The following KCNQ5 variants were observed in gnomAD, a reference collection of about 807,000 sequenced individuals.
KCNQ5 encodes the protein potassium voltage-gated channel subfamily KQT member 5.
A neutral mutation model predicts 98.2 loss-of-function variants in KCNQ5; 30 were observed. That is an observed-to-expected ratio of 0.31 (90% CI 0.23 to 0.41). The LOEUF (loss-of-function observed/expected upper bound fraction) is 0.41, where lower values mean the gene tolerates loss of function less well. KCNQ5 is among the 10% of genes least tolerant of loss of function. KCNQ5 has a pLI of 1.00. For missense variants in KCNQ5, 835 were observed against 1,182.5 expected (o/e 0.71, Z 4.31); for synonymous variants, 458 against 449.4 (o/e 1.02, Z -0.24).
intron 1 of KCNQ5, among the ~76,000 whole-genome samples, chr6:72,834,181 G>A (rs1260717250): frequency 2.0e-5 from 3 of 151,950 alleles, no homozygotes; most frequent in Non-Finnish European, 4.4e-5. Context: ...ATGAGTGTTT[G>A]TTATATTATT....
intron 1 of KCNQ5, among the ~76,000 whole-genome samples, chr6:72,868,129 C>T (rs1778066824): frequency 6.6e-6 from 1 of 152,018 alleles, no homozygotes; most frequent in Admixed American, 6.5e-5. Context: ...GACTTCCAGA[C>T]AAGGAGGTAA....
At chr6:73,158,164 C>A (rs950367860) in intron 10 of KCNQ5, 10 of 338,358 alleles carry the variant, frequency 3.0e-5, no homozygotes, top group African/African-American at 2.2e-4. Context: ...GGCGGGGCGG[C>A]GGGAAGGGAA....
chr6:72,964,352 G>C (rs1343523437), intron 1 of KCNQ5, among the ~76,000 whole-genome samples: 1 of 152,098 alleles, frequency 6.6e-6, no homozygotes, highest in East Asian at 1.9e-4. Flanking sequence ...TCAATAGTAG[G>C]AACAAGCCTC....
intron 5 of KCNQ5, among the ~76,000 whole-genome samples, chr6:73,103,105 G>C (rs751576327): frequency 5.3e-5 from 8 of 152,132 alleles, no homozygotes; most frequent in African/African-American, 9.7e-5. Context: ...ACACAATGGA[G>C]TACTATTCAG....
At chr6:72,743,544 A>G (rs1227385635) in intron 1 of KCNQ5, among the ~76,000 whole-genome samples, 1 of 152,218 alleles carries the variant, frequency 6.6e-6, no homozygotes, top group Non-Finnish European at 1.5e-5. Flanking sequence ...CAATTTATTA[A>G]TGTCCCTAGT....
At chr6:73,006,297 A>G (rs1044261559) in intron 2 of KCNQ5, among the ~76,000 whole-genome samples, 2 of 150,200 alleles carry the variant, frequency 1.3e-5, no homozygotes, top group African/African-American at 5.1e-5. Flanking sequence ...ATATCGAAGG[A>G]ATTACCATCC....
At chr6:72,880,384 G>C (rs538021233) in intron 1 of KCNQ5, among the ~76,000 whole-genome samples, 4 of 152,246 alleles carry the variant, frequency 2.6e-5, no homozygotes, top group African/African-American at 9.6e-5. Context: ...CCTTATGCCT[G>C]TTTTATAAGA....
chr6:72,769,217 G>A (rs1772736003), intron 1 of KCNQ5, among the ~76,000 whole-genome samples: 1 of 152,008 alleles, frequency 6.6e-6, no homozygotes, highest in Admixed American at 6.6e-5. Flanking sequence ...CATATATATT[G>A]TTTTGTTCAC....
chr6:72,724,212 AC>A (rs2154475473), intron 1 of KCNQ5, among the ~76,000 whole-genome samples: 1 of 152,304 alleles, frequency 6.6e-6, no homozygotes, highest in East Asian at 1.9e-4. Context: ...TGCTAGGAAA[AC>A]TTGGTAGTAA....
chr6:73,016,940 C>T (rs1770372325), intron 2 of KCNQ5, among the ~76,000 whole-genome samples: 1 of 152,132 alleles, frequency 6.6e-6, no homozygotes, highest in Non-Finnish European at 1.5e-5. Flanking sequence ...CCATCTTGCT[C>T]TGGCCTACAT....
intron 11 of KCNQ5, among the ~76,000 whole-genome samples, chr6:73,175,341 G>C (rs900470320): frequency 6.6e-6 from 1 of 152,030 alleles, no homozygotes; most frequent in Non-Finnish European, 1.5e-5. Flanking sequence ...GTAGAGACAG[G>C]TTTTCTCCAT....
rs149586606 is a variant in KCNQ5 at position 72,986,548 on chromosome 6, T to C, written c.399-17360T>C. Reference sequence around the variant, plus strand: ...CATGGGAAGGCACCTGAGATGCCTCTAGTGAAGAAAACAAGTAAAAGAAGG... The same window carrying C: ...CATGGGAAGGCACCTGAGATGCCTCCAGTGAAGAAAACAAGTAAAAGAAGG... On this transcript the variant is annotated intron_variant, in intron 1 of 13. Coordinates refer to ENST00000370398, the MANE Select transcript of KCNQ5 (RefSeq NM_019842.4). 44 of 581,180 alleles carry C rather than the reference T, an allele frequency of 7.6e-5. No homozygotes were observed. In the East Asian group the frequency reaches 1.2e-3, roughly 16 times the overall value. The allele number at this position is 581,180 out of a possible 1,614,324, so 36.0% of individuals were successfully genotyped here. A position where few individuals can be genotyped will look rare whatever the true frequency, so the allele number is the denominator to read the frequency against.
At chr6:73,179,311 G>C (rs951938565) in intron 11 of KCNQ5, among the ~76,000 whole-genome samples, 2 of 152,134 alleles carry the variant, frequency 1.3e-5, no homozygotes, top group Non-Finnish European at 2.9e-5. Context: ...AGGCAGCACA[G>C]GGCATCACAT....
At chr6:72,797,998 T>G (rs913085762) in intron 1 of KCNQ5, among the ~76,000 whole-genome samples, 2 of 152,192 alleles carry the variant, frequency 1.3e-5, no homozygotes, top group African/African-American at 4.8e-5. Flanking sequence ...TTGACCTTTT[T>G]AAGGAATTTA....
chr6:72,900,037 C>T (rs1350632352), intron 1 of KCNQ5, among the ~76,000 whole-genome samples: 1 of 152,046 alleles, frequency 6.6e-6, no homozygotes, highest in Non-Finnish European at 1.5e-5. Flanking sequence ...GGGGTTTCAC[C>T]ATGTTGGTCA....
chr6:72,808,907 T>C (rs1024303275), intron 1 of KCNQ5, among the ~76,000 whole-genome samples: 1 of 151,888 alleles, frequency 6.6e-6, no homozygotes, highest in African/African-American at 2.4e-5. Flanking sequence ...ACCCAAAGGA[T>C]TATAAATCAT....
chr6:72,705,344 C>G (rs1769018578), intron 1 of KCNQ5, among the ~76,000 whole-genome samples: 1 of 152,024 alleles, frequency 6.6e-6, no homozygotes, highest in African/African-American at 2.4e-5. Context: ...TTCATTTATT[C>G]TTTTTTCAAT....
At chr6:72,880,628 A>G (rs1778602149) in intron 1 of KCNQ5, among the ~76,000 whole-genome samples, 1 of 152,188 alleles carries the variant, frequency 6.6e-6, no homozygotes, top group Non-Finnish European at 1.5e-5. Flanking sequence ...TTTATGCCTG[A>G]GAATCTTAAC....
At chr6:72,756,013 G>A (rs1771950034) in intron 1 of KCNQ5, among the ~76,000 whole-genome samples, 1 of 152,162 alleles carries the variant, frequency 6.6e-6, no homozygotes, top group African/African-American at 2.4e-5. Flanking sequence ...ACGCAGGCCT[G>A]TGGAAAAGTT....
Sources: allele counts gnomAD v4.1 joint callset (sites outside exome capture counted in the v4.1 genomes callset), GRCh38; gene constraint gnomAD v4.1.1; transcripts MANE v1.5; gene names NCBI Gene and HGNC (gene_info 2026-07-23, HGNC 2026-07-21).